Variants in ADAMTSL1 observed in about 807,000 individuals in gnomAD.
The protein encoded by ADAMTSL1 is ADAMTS-like protein 1.
A neutral mutation model predicts 201.8 loss-of-function variants in ADAMTSL1; 126 were observed. The ratio of observed to expected loss-of-function variants is 0.62; its 90% CI spans 0.54 to 0.72. ADAMTSL1 has a LOEUF of 0.72. Ranked by LOEUF, ADAMTSL1 falls within the 30% of genes least tolerant of loss-of-function variation. The pLI is 0.00. For missense variants in ADAMTSL1, 2,679 were observed against 2,277.8 expected, an observed-to-expected ratio of 1.18 and a Z score of -3.59; for synonymous variants, 1,121 against 903.4, an observed-to-expected ratio of 1.24 and a Z score of -4.32.
At chr9:18,647,365 G>C (rs1023613951) in intron 7 of ADAMTSL1, among the ~76,000 whole-genome samples, 13 of 71,702 alleles carry the variant, frequency 1.8e-4, no homozygotes, top group Non-Finnish European at 5.6e-5. Flanking sequence ...TTTTTTGAAG[G>C]GTTTTTTTTC....
At chr9:18,442,167 A>T (rs536312663) in intron 2 of ADAMTSL1, among the ~76,000 whole-genome samples, 2 of 152,214 alleles carry the variant, frequency 1.3e-5, no homozygotes, top group Non-Finnish European at 2.9e-5. Flanking sequence ...CTTTATTCTA[A>T]AAGAGCCATT....
chr9:17,995,675 CAG>C (rs1232787789), intron 1 of ADAMTSL1, among the ~76,000 whole-genome samples: 2 of 151,904 alleles, frequency 1.3e-5, no homozygotes, highest in Non-Finnish European at 2.9e-5. Flanking sequence ...TGTTTTTTAA[CAG>C]AAGGCATTCA....
At chr9:18,611,967 A>G (rs1302019954) in intron 4 of ADAMTSL1, among the ~76,000 whole-genome samples, 1 of 152,128 alleles carries the variant, frequency 6.6e-6, no homozygotes, top group Non-Finnish European at 1.5e-5. Context: ...GGTAAAGGGA[A>G]GAGCCAGGCC....
intron 1 of ADAMTSL1, among the ~76,000 whole-genome samples, chr9:18,479,856 T>G (rs1821634352): frequency 6.6e-6 from 1 of 152,218 alleles, no homozygotes; most frequent in African/African-American, 2.4e-5. Context: ...ATGTCAGCAT[T>G]CATTTTACAT....
intron 4 of ADAMTSL1, among the ~76,000 whole-genome samples, chr9:18,574,820 C>CAA (rs1822605383): frequency 1.3e-5 from 2 of 152,128 alleles, no homozygotes; most frequent in Admixed American, 1.3e-4. Flanking sequence ...AACAGGATTA[C>CAA]AAAAAGGTTT....
At chr9:18,123,998 T>C (rs780500435) in intron 1 of ADAMTSL1, among the ~76,000 whole-genome samples, 31 of 151,920 alleles carry the variant, frequency 2.0e-4, no homozygotes, top group Middle Eastern at 3.2e-3. Flanking sequence ...TGGTATGAAA[T>C]GGTATCTCAT....
At chr9:18,793,330 G>C (rs779712305) in intron 19 of ADAMTSL1, 1 of 152,180 alleles carries the variant, frequency 6.6e-6, no homozygotes, top group Non-Finnish European at 1.5e-5. Flanking sequence ...CTGCCAGACT[G>C]GTCACCCACC....
intron 2 of ADAMTSL1, among the ~76,000 whole-genome samples, chr9:18,433,580 GCT>G (rs1262762363): frequency 1.3e-5 from 2 of 152,042 alleles, no homozygotes; most frequent in Admixed American, 1.3e-4. Flanking sequence ...ATATACCTGA[GCT>G]CAAACTGGGC....
intron 14 of ADAMTSL1, among the ~76,000 whole-genome samples, chr9:18,720,434 T>G (rs1219040008): frequency 3.3e-5 from 5 of 152,248 alleles, no homozygotes. Context: ...TAGCTACTGT[T>G]ATTATGACTG....
chr9:18,349,640 C>G (rs1310022897), intron 2 of ADAMTSL1, among the ~76,000 whole-genome samples: 1 of 152,140 alleles, frequency 6.6e-6, no homozygotes, highest in African/African-American at 2.4e-5. Flanking sequence ...TCTAGTTTCC[C>G]TGAATCCTCT....
intron 4 of ADAMTSL1, among the ~76,000 whole-genome samples, chr9:18,576,339 G>A (rs1822723925): frequency 6.6e-6 from 1 of 152,188 alleles, no homozygotes; most frequent in African/African-American, 2.4e-5. Flanking sequence ...TAAGAATAGG[G>A]AGGTAGTTTG....
intron 23 of ADAMTSL1, among the ~76,000 whole-genome samples, chr9:18,849,416 C>G (rs1425176781): frequency 1.3e-5 from 2 of 152,202 alleles, no homozygotes; most frequent in Admixed American, 6.5e-5. Flanking sequence ...AGTGAATACC[C>G]TGGGCCACAG....
intron 23 of ADAMTSL1, among the ~76,000 whole-genome samples, chr9:18,851,290 AG>A (rs1303407376): frequency 6.6e-6 from 1 of 152,204 alleles, no homozygotes; most frequent in Non-Finnish European, 1.5e-5. Flanking sequence ...CAGTATGAGC[AG>A]GTGAGAAAGG....
In ADAMTSL1 at chr9:18,504,833, C is replaced by T; in HGVS notation, c.68C>T (p.Ser23Phe). ...LLFLAFLLLS[S>F]RTARSEEDRD... ...CCATTCTTTTGTTTCTCACAGAGTT[C>T]CAGGACCGCACGCTCCGAGGAGGAC... Residue 23 changes from serine to phenylalanine, a missense_variant, in exon 2 of 29, where the codon TCC (serine) becomes TTC (phenylalanine). By Grantham distance (155) the Ser-to-Phe change is radical (BLOSUM62 -2). Coordinates refer to ENST00000380548, the MANE Select transcript of ADAMTSL1 (RefSeq NM_001040272.6). 1.2e-6 allele frequency: 2 copies of T among 1,614,192 alleles called. No individual in the cohort carries two copies. The highest frequency in any genetic ancestry group is 2.2e-5 in the East Asian group (1 of 44,884).
chr9:18,064,671 A>G (rs1226166434), intron 1 of ADAMTSL1, among the ~76,000 whole-genome samples: 3 of 152,178 alleles, frequency 2.0e-5, no homozygotes, highest in Middle Eastern at 3.2e-3. Context: ...GAATGATTAC[A>G]TGTAGCTTAA....
chr9:18,720,332 T>C (rs1833256079), intron 14 of ADAMTSL1, among the ~76,000 whole-genome samples: 1 of 152,228 alleles, frequency 6.6e-6, no homozygotes, highest in Non-Finnish European at 1.5e-5. Flanking sequence ...ATAAAAATAG[T>C]GCTTACTTTG....
intron 1 of ADAMTSL1, among the ~76,000 whole-genome samples, chr9:17,972,883 G>T (rs1276742994): frequency 1.4e-5 from 2 of 146,866 alleles, no homozygotes; most frequent in Admixed American, 1.4e-4. Flanking sequence ...GTATCTCATT[G>T]TGGTTTTGAT....
chr9:18,461,370 G>A (rs1820799906), intron 2 of ADAMTSL1, among the ~76,000 whole-genome samples: 1 of 151,610 alleles, frequency 6.6e-6, no homozygotes, highest in South Asian at 2.1e-4. Context: ...ACATTTAATC[G>A]ACAAAAATTG....
intron 1 of ADAMTSL1, among the ~76,000 whole-genome samples, chr9:18,112,570 GT>G (rs1470674467): frequency 6.6e-6 from 1 of 151,442 alleles, no homozygotes; most frequent in Non-Finnish European, 1.5e-5. Flanking sequence ...CTGCACCCAT[GT>G]TTTTGTCTCA....
Sources: allele counts gnomAD v4.1 joint callset (sites outside exome capture counted in the v4.1 genomes callset), GRCh38; gene constraint gnomAD v4.1.1; transcripts MANE v1.5; gene names NCBI Gene and HGNC (gene_info 2026-07-23, HGNC 2026-07-21).